The following ADARB2 variants were observed in gnomAD, a reference collection of about 807,000 sequenced individuals.
The protein encoded by ADARB2 is inactive double-stranded RNA-specific editase B2.
ADARB2 carries 25 observed loss-of-function variants against 62.2 expected under a neutral mutation model. The observed-to-expected ratio is 0.40, with a 90% confidence interval of 0.29 to 0.56. ADARB2 has a LOEUF of 0.56. ADARB2 is among the 20% of genes least tolerant of loss of function. The pLI, the probability that ADARB2 is intolerant of heterozygous loss-of-function variation, is 0.43. For synonymous variants in ADARB2, 572 were observed against 500.8 expected (o/e 1.14, Z -1.90); for missense variants, 1,071 against 1,077.4 (o/e 0.99, Z 0.08).
At chr10:1,458,780 G>A (rs750754244) in intron 1 of ADARB2, among the ~76,000 whole-genome samples, 3 of 152,292 alleles carry the variant, frequency 2.0e-5, no homozygotes, top group Admixed American at 1.3e-4. Context: ...AGCAGCGAAC[G>A]TAGTTTTTTC....
intron 1 of ADARB2, among the ~76,000 whole-genome samples, chr10:1,501,360 C>T (rs1315207052): frequency 2.0e-5 from 3 of 152,248 alleles, no homozygotes; most frequent in East Asian, 1.9e-4. Context: ...GAACTTTCTC[C>T]GATTTCTCAA....
intron 4 of ADARB2, 101 bp from the exon 5 acceptor site, chr10:1,242,400 G>A (rs1163555102): frequency 2.2e-6 from 3 of 1,374,830 alleles, no homozygotes; most frequent in Middle Eastern, 2.6e-4. Context: ...CCTGGGTTAG[G>A]AAACCTTGGA....
intron 1 of ADARB2, among the ~76,000 whole-genome samples, chr10:1,701,715 GCACT>G (rs1834821893): frequency 1.2e-5 from 1 of 82,768 alleles, no homozygotes; most frequent in African/African-American, 4.3e-5. Context: ...GGGAGACCAG[GCACT>G]CGCCAATACA....
chr10:1,590,669 T>G (rs1321308015), intron 1 of ADARB2, among the ~76,000 whole-genome samples: 1 of 152,180 alleles, frequency 6.6e-6, no homozygotes, highest in Non-Finnish European at 1.5e-5. Context: ...ATGTATTTCA[T>G]GTAGAGGTTG....
chr10:1,462,948 A>T (rs879643195), intron 1 of ADARB2, among the ~76,000 whole-genome samples: 19 of 151,826 alleles, frequency 1.3e-4, no homozygotes, highest in Admixed American at 2.6e-4. Flanking sequence ...GTTATTTAAA[A>T]CAAGAAACAG....
In ADARB2 at chr10:1,531,112, C is replaced by T. The variant is rs575774819; in HGVS notation, c.101-151952G>A. Among the ~76,000 whole-genome samples, 93 of 152,342 alleles carry T rather than the reference C, an allele frequency of 6.1e-4. 2 individuals are homozygous for T. In the South Asian group the frequency reaches 0.017, roughly 27 times the overall value. On this transcript the variant is annotated intron_variant, in intron 1 of 9. Coordinates refer to ENST00000381312, the MANE Select transcript of ADARB2 (RefSeq NM_018702.4). Reference sequence around the variant, plus strand: ...GGCGATCCACAGCCTACCATGTGCTCCAGGATGTCCTGCCCGTGGGCCACC... The same window carrying T: ...GGCGATCCACAGCCTACCATGTGCTTCAGGATGTCCTGCCCGTGGGCCACC...
Position 1,425,530 on chromosome 10 carries a change from A to G in ADARB2, c.101-46370T>C, listed in dbSNP as rs979134670. The stretch of plus-strand genomic sequence containing the variant: ...TCCAGGATTCCAGGGATTTGCTTGC[A>G]TACTCCCAGTCCTCTGTCACTGGGC... On this transcript the variant is annotated intron_variant, in intron 1 of 9. Transcript: ENST00000381312. Among the ~76,000 whole-genome samples the G allele has an allele frequency of 2.6e-5, 4 of 152,102 alleles. No individual in the cohort carries two copies. The South Asian group carries it at 8.3e-4, about 32-fold the overall frequency.
intron 7 of ADARB2, among the ~76,000 whole-genome samples, chr10:1,214,750 C>T (rs537825395): frequency 1.1e-4 from 17 of 152,336 alleles, no homozygotes; most frequent in African/African-American, 3.8e-4. Context: ...ACTGCTTTTT[C>T]CTCATCATGA....
chr10:1,446,701 A>T (rs944466234), intron 1 of ADARB2, among the ~76,000 whole-genome samples: 1 of 152,152 alleles, frequency 6.6e-6, no homozygotes, highest in Non-Finnish European at 1.5e-5. Flanking sequence ...TAAAGGAATA[A>T]TTTTTCATCT....
chr10:1,190,748 G>A (rs1301433609), intron 8 of ADARB2, among the ~76,000 whole-genome samples: 1 of 152,192 alleles, frequency 6.6e-6, no homozygotes, highest in East Asian at 1.9e-4. Context: ...GGACAGAGGT[G>A]GCTGCAGGCA....
intron 1 of ADARB2, among the ~76,000 whole-genome samples, chr10:1,650,370 G>A (rs931085946): frequency 6.6e-6 from 1 of 152,164 alleles, no homozygotes; most frequent in Non-Finnish European, 1.5e-5. Context: ...ATTACCAGAT[G>A]GTAAAGACAC....
intron 3 of ADARB2, among the ~76,000 whole-genome samples, chr10:1,286,859 G>A (rs1044125347): frequency 2.0e-5 from 3 of 152,156 alleles, no homozygotes; most frequent in Admixed American, 2.0e-4. Flanking sequence ...CCTGGTACCC[G>A]GCACTGTTAA....
At chr10:1,676,030 C>T (rs1294690608) in intron 1 of ADARB2, 39 of 985,184 alleles carry the variant, frequency 4.0e-5, no homozygotes, top group South Asian at 2.8e-4. Context: ...AGTCAGGGCG[C>T]GTTTCTAACT....
chr10:1,394,897 C>T lies in ADARB2; in HGVS notation c.101-15737G>A, dbSNP rs774988435. On this transcript the variant is annotated intron_variant, in intron 1 of 9. Coordinates refer to ENST00000381312, the MANE Select transcript of ADARB2 (RefSeq NM_018702.4). ...TTTTTTCTTTTCTTTTCTTTTCTTC[C>T]TCCCTCCTCCTCCTTCTTCTTCCTC... The T allele has an allele frequency of 1.8e-5, 8 of 456,746 alleles. 1 individual carries two copies. Among genetic ancestry groups the T allele is most frequent in the Middle Eastern group, 6.7e-4 (2 of 2,996 alleles). The allele number at this position is 456,746 out of a possible 1,614,324, so 28.3% of individuals were successfully genotyped here.
At chr10:1,595,636 A>G (rs1833323026) in intron 1 of ADARB2, among the ~76,000 whole-genome samples, 1 of 152,214 alleles carries the variant, frequency 6.6e-6, no homozygotes, top group African/African-American at 2.4e-5. Context: ...CTGGAGCCCC[A>G]TGCAGGCACT....
intron 1 of ADARB2, among the ~76,000 whole-genome samples, chr10:1,391,146 C>T (rs1476532504): frequency 6.6e-6 from 1 of 152,150 alleles, no homozygotes; most frequent in African/African-American, 2.4e-5. Flanking sequence ...ACCTGAAGAG[C>T]CCCTGAGCTG....
At position 1,526,433 on chromosome 10, in the gene ADARB2, G is replaced by A. The variant is rs1041025365; in HGVS notation, c.101-147273C>T. On this transcript the variant is annotated intron_variant, in intron 1 of 9. Transcript: ENST00000381312. ...ATCCCCAGTGTTGGAGGTGGGGCCT[G>A]GTGGGGGATGCTGGGGTCAGGGGTG... 2.0e-5 allele frequency among the ~76,000 whole-genome samples: 3 copies of A among 152,054 alleles called. No individual in the cohort carries two copies. The South Asian group carries it at 6.2e-4, about 32-fold the overall frequency.
chr10:1,708,342 C>T (rs1834915971), intron 1 of ADARB2, among the ~76,000 whole-genome samples: 1 of 152,142 alleles, frequency 6.6e-6, no homozygotes, highest in African/African-American at 2.4e-5. Flanking sequence ...AGGGCAGACC[C>T]CACACCAAGC....
chr10:1,618,129 G>A (rs1270622892), intron 1 of ADARB2, among the ~76,000 whole-genome samples: 2 of 152,138 alleles, frequency 1.3e-5, no homozygotes, highest in Non-Finnish European at 2.9e-5. Flanking sequence ...CCAAACAGGT[G>A]TACCTAAGTT....
Sources: gnomAD v4.1 joint callset for allele counts (sites outside exome capture counted in the v4.1 genomes callset) on GRCh38, gnomAD v4.1.1 for gene constraint, MANE v1.5 for transcripts, NCBI Gene and HGNC (gene_info 2026-07-23, HGNC 2026-07-21) for gene names.